Variants in PDE4B observed in about 807,000 individuals in gnomAD.
PDE4B encodes the protein 3',5'-cyclic-AMP phosphodiesterase 4B.
Under a neutral mutation model 82.2 loss-of-function variants are expected in PDE4B, and 20 were observed. The observed-to-expected ratio is 0.24, with a 90% CI of 0.17 to 0.35. The LOEUF is 0.35. Ranked by LOEUF, PDE4B falls within the 10% of genes least tolerant of loss-of-function variation. PDE4B has a pLI of 1.00. For synonymous variants in PDE4B, 320 were observed against 318.9 expected, an observed-to-expected ratio of 1.00 and a Z score of -0.04; for missense variants, 655 against 907.2, an observed-to-expected ratio of 0.72 and a Z score of 3.57.
intron 1 of PDE4B, among the ~76,000 whole-genome samples, chr1:65,871,827 T>G (rs1646576768): frequency 6.6e-6 from 1 of 152,216 alleles, no homozygotes; most frequent in South Asian, 2.1e-4. Flanking sequence ...GTATAATACA[T>G]GAAATTCTAT....
intron 7 of PDE4B, among the ~76,000 whole-genome samples, chr1:66,304,147 C>T (rs1658104299): frequency 6.6e-6 from 1 of 152,084 alleles, no homozygotes; most frequent in South Asian, 2.1e-4. Context: ...TATAATCATC[C>T]TACAAAATGA....
chr1:66,166,144 G>T (rs1646727069), intron 3 of PDE4B, among the ~76,000 whole-genome samples: 1 of 152,076 alleles, frequency 6.6e-6, no homozygotes, highest in South Asian at 2.1e-4. Context: ...GGGGAGTGGG[G>T]GAATCGCCTT....
At chr1:66,221,104 G>C (rs1650947760) in intron 3 of PDE4B, among the ~76,000 whole-genome samples, 1 of 152,030 alleles carries the variant, frequency 6.6e-6, no homozygotes. Flanking sequence ...AACCTGGAGA[G>C]CCAGCCCTAG....
intron 3 of PDE4B, among the ~76,000 whole-genome samples, chr1:66,096,147 T>TA (rs1447431569): frequency 4.6e-5 from 7 of 151,698 alleles, no homozygotes; most frequent in Non-Finnish European, 8.9e-5. Flanking sequence ...TTGTATCCTT[T>TA]AAAAAATCTG....
intron 3 of PDE4B, among the ~76,000 whole-genome samples, chr1:65,932,479 TCTC>T (rs1368131744): frequency 2.6e-5 from 4 of 151,992 alleles, no homozygotes; most frequent in African/African-American, 9.7e-5. Flanking sequence ...GTGAGGGTCT[TCTC>T]CTTTATAAGT....
In PDE4B at chr1:66,324,341, CCTT is replaced by C. The variant is rs532525354; in HGVS notation, c.635-8160_635-8158del. Among the ~76,000 whole-genome samples the C allele has an allele frequency of 1.6e-4, 25 of 152,236 alleles. 1 individual carries two copies. In the South Asian group the frequency reaches 3.5e-3, roughly 21 times the overall value. ...CATCTTCCCCTCTCAATCTCTCTGT[CCTT>C]CTTCTTTGCCTCCCTCCCTCCCAGC... On this transcript the variant is annotated intron_variant, in intron 7 of 16. Transcript: ENST00000341517.
At chr1:65,983,260 A>T (rs936093654) in intron 3 of PDE4B, among the ~76,000 whole-genome samples, 1 of 152,214 alleles carries the variant, frequency 6.6e-6, no homozygotes, top group Non-Finnish European at 1.5e-5. Flanking sequence ...AGTTTCACCC[A>T]TAATCGATTT....
intron 7 of PDE4B, among the ~76,000 whole-genome samples, chr1:66,325,198 T>G (rs1166244498): frequency 6.6e-6 from 1 of 152,196 alleles, no homozygotes; most frequent in Non-Finnish European, 1.5e-5. Context: ...GTAAGACATC[T>G]ACAGGGCTAG....
chr1:65,802,314 G>A (rs986929071), intron 1 of PDE4B, among the ~76,000 whole-genome samples: 1 of 152,080 alleles, frequency 6.6e-6, no homozygotes, highest in African/African-American at 2.4e-5. Context: ...TTTTCTCCTG[G>A]TGAAAAGACA....
At position 65,793,013 on chromosome 1, in the gene PDE4B, C is replaced by T. The variant is rs1207791171; in HGVS notation, c.-306C>T. Among the ~76,000 whole-genome samples, 1 of 151,844 alleles carries T rather than the reference C, an allele frequency of 6.6e-6. No homozygotes were observed. The highest frequency in any genetic ancestry group is 1.5e-5 in the Non-Finnish European group (1 of 67,922). ...GCGCCCCCGGCCCGCGCGCCCCTTC[C>T]CGGGGCTCCTGGCCTCGCCTCAGCG... On this transcript the variant is annotated 5_prime_UTR_variant, in exon 1 of 17. Transcript: ENST00000341517.
intron 3 of PDE4B, among the ~76,000 whole-genome samples, chr1:66,122,114 A>G (rs1274385704): frequency 6.6e-6 from 1 of 152,140 alleles, no homozygotes; most frequent in Non-Finnish European, 1.5e-5. Flanking sequence ...CTATAATCCT[A>G]GGCTACTGAC....
chr1:65,892,149 T>A (rs1415099229), intron 1 of PDE4B, among the ~76,000 whole-genome samples: 1 of 152,114 alleles, frequency 6.6e-6, no homozygotes, highest in African/African-American at 2.4e-5. Flanking sequence ...AGAGAAGATA[T>A]TCCCTTTATT....
At chr1:66,345,397 C>T (rs1337951853) in intron 8 of PDE4B, among the ~76,000 whole-genome samples, 1 of 152,164 alleles carries the variant, frequency 6.6e-6, no homozygotes, top group African/African-American at 2.4e-5. Flanking sequence ...CTTAGAAAGA[C>T]CTTCTTTTAT....
intron 3 of PDE4B, among the ~76,000 whole-genome samples, chr1:65,986,660 A>C (rs1196586472): frequency 6.6e-6 from 1 of 152,194 alleles, no homozygotes; most frequent in Non-Finnish European, 1.5e-5. Context: ...AATACCTACT[A>C]TGTAGCAAAC....
chr1:65,959,946 C>T (rs942585434), intron 3 of PDE4B, among the ~76,000 whole-genome samples: 1 of 152,064 alleles, frequency 6.6e-6, no homozygotes, highest in Admixed American at 6.6e-5. Flanking sequence ...TGGGCTCAAG[C>T]AATTCTCTTC....
At chr1:65,899,658 A>G (rs1307626805) in intron 1 of PDE4B, among the ~76,000 whole-genome samples, 1 of 148,108 alleles carries the variant, frequency 6.8e-6, no homozygotes. Context: ...TATATTATAT[A>G]TATTCCATTT....
intron 8 of PDE4B, among the ~76,000 whole-genome samples, chr1:66,340,815 T>C (rs1660923107): frequency 6.6e-6 from 1 of 152,146 alleles, no homozygotes; most frequent in South Asian, 2.1e-4. Flanking sequence ...TTTTAAGTAG[T>C]TGTTTTAGAA....
At chr1:66,043,128 C>T (rs897949595) in intron 3 of PDE4B, among the ~76,000 whole-genome samples, 1 of 151,598 alleles carries the variant, frequency 6.6e-6, no homozygotes, top group African/African-American at 2.4e-5. Context: ...TGTTATAGTG[C>T]CTACTGAGTG....
chr1:65,879,618 C>T (rs1646687837), intron 1 of PDE4B, among the ~76,000 whole-genome samples: 2 of 151,936 alleles, frequency 1.3e-5, no homozygotes, highest in African/African-American at 2.4e-5. Flanking sequence ...AAACTAGAAC[C>T]CAGTTAGGTA....
Sources: allele counts gnomAD v4.1 joint callset (sites outside exome capture counted in the v4.1 genomes callset), GRCh38; gene constraint gnomAD v4.1.1; transcripts MANE v1.5; gene names NCBI Gene and HGNC (gene_info 2026-07-23, HGNC 2026-07-21).